UBE2G1: variants seen among roughly 807,000 people sequenced by gnomAD.
The protein encoded by UBE2G1 is ubiquitin-conjugating enzyme E2 G1.
In UBE2G1, 5 loss-of-function variants were observed where a neutral mutation model predicts 22.7. The observed-to-expected ratio is 0.22, with a 90% CI of 0.12 to 0.46. UBE2G1 has a LOEUF of 0.46. UBE2G1 is among the 20% of genes least tolerant of loss of function. The pLI is 0.99. For synonymous variants in UBE2G1, 74 were observed against 67.5 expected, an observed-to-expected ratio of 1.10 and a Z score of -0.47; for missense variants, 88 against 203.9, an observed-to-expected ratio of 0.43 and a Z score of 3.46.
chr17:4,308,009 A>G (rs1349399218), intron 1 of UBE2G1, among the ~76,000 whole-genome samples: 1 of 152,164 alleles, frequency 6.6e-6, no homozygotes, highest in Admixed American at 6.5e-5. Context: ...AGAAATTTTT[A>G]AACAACTTTA....
At chr17:4,319,734 A>AAG (rs1018156499) in intron 1 of UBE2G1, among the ~76,000 whole-genome samples, 1 of 152,074 alleles carries the variant, frequency 6.6e-6, no homozygotes, top group Non-Finnish European at 1.5e-5. Context: ...AAAAAAAAAA[A>AAG]AGAGAGAGAG....
intron 1 of UBE2G1, among the ~76,000 whole-genome samples, chr17:4,329,064 C>T (rs1969534634): frequency 6.9e-6 from 1 of 145,240 alleles, no homozygotes; most frequent in South Asian, 2.2e-4. Context: ...GAGATCGCGC[C>T]ATGCACTCCA....
At chr17:4,330,751 A>G (rs952895658) in intron 1 of UBE2G1, among the ~76,000 whole-genome samples, 4 of 151,466 alleles carry the variant, frequency 2.6e-5, no homozygotes, top group Non-Finnish European at 5.9e-5. Flanking sequence ...TAAATAAAAT[A>G]TATTTTATTT....
At chr17:4,359,857 A>T (rs11433745) in intron 1 of UBE2G1, among the ~76,000 whole-genome samples, 29 of 62,454 alleles carry the variant, frequency 4.6e-4, no homozygotes, top group African/African-American at 1.6e-3. Flanking sequence ...ATCTCAAAAA[A>T]AAAAAAAAAA....
In UBE2G1 at chr17:4,337,622, C is replaced by T. The variant is rs560148895; in HGVS notation, c.46+28649G>A. ...GAGCTGAAATCACGCCACTGCACTC[C>T]AGCCTGGGCAACAAGAGCGAAACTC... On this transcript the variant is annotated intron_variant, in intron 1 of 5. Coordinates refer to ENST00000396981, the MANE Select transcript of UBE2G1 (RefSeq NM_003342.5). Among the ~76,000 whole-genome samples the T allele has an allele frequency of 1.1e-4, 17 of 148,000 alleles. No homozygotes were observed. The South Asian group carries it at 3.6e-3, about 31-fold the overall frequency.
intron 2 of UBE2G1, among the ~76,000 whole-genome samples, chr17:4,297,073 G>A (rs535844921): frequency 7.6e-4 from 115 of 152,280 alleles, no homozygotes; most frequent in African/African-American, 2.6e-3. Flanking sequence ...GATCAGATCA[G>A]ATCATATTAC....
Position 4,319,723 on chromosome 17 carries a change from GA to G in UBE2G1, c.47-12601del, listed in dbSNP as rs536232143. 3.4e-3 allele frequency among the ~76,000 whole-genome samples: 473 copies of G among 137,720 alleles called. 3 individuals are homozygous for G. The highest frequency in any genetic ancestry group is 7.5e-3 in the Middle Eastern group (2 of 266). The allele number at this position is 137,720 out of a possible 152,430, so 90.3% of individuals were successfully genotyped here. A position where few individuals can be genotyped will look rare whatever the true frequency, so the allele number is the denominator to read the frequency against. On this transcript the variant is annotated intron_variant, in intron 1 of 5. Transcript: ENST00000396981. ...GCACTCCAGCCTAGGCACCTGTGTC[GA>G]AAAAAAAAAAAGAGAGAGAGAGAAG...
intron 1 of UBE2G1, among the ~76,000 whole-genome samples, chr17:4,324,319 T>C (rs1004861503): frequency 3.9e-5 from 6 of 152,206 alleles, no homozygotes; most frequent in African/African-American, 1.2e-4. Flanking sequence ...TTACTTAACA[T>C]GTGCTGCAAA....
Position 4,270,148 on chromosome 17 carries a change from A to C in UBE2G1, c.*2406T>G, listed in dbSNP as rs369151051. 6.6e-6 allele frequency: 1 copy of C among 152,406 alleles called. No individual in the cohort carries two copies. Among genetic ancestry groups the C allele is most frequent in the African/African-American group, 2.4e-5 (1 of 41,384 alleles). 9.4% of individuals were successfully genotyped at this position (152,406 alleles called of 1,614,324 possible). On this transcript the variant is annotated 3_prime_UTR_variant, in exon 6 of 6. Coordinates refer to ENST00000396981, the MANE Select transcript of UBE2G1 (RefSeq NM_003342.5). ...CCGTAGAGCTAGCCCTAAAAAAAAA[A>C]CCCACATGGTTTTATCAAACTAACT...
chr17:4,364,608 T>C (rs1190405384), intron 1 of UBE2G1, among the ~76,000 whole-genome samples: 2 of 121,838 alleles, frequency 1.6e-5, no homozygotes, highest in African/African-American at 3.2e-5. Flanking sequence ...TTGAACAGAG[T>C]CTCGCTCTGT....
At chr17:4,290,174 A>C (rs1300727958) in intron 3 of UBE2G1, among the ~76,000 whole-genome samples, 1 of 152,204 alleles carries the variant, frequency 6.6e-6, no homozygotes, top group African/African-American at 2.4e-5. Context: ...TTGTGAAACT[A>C]ATCTTTTATG....
chr17:4,275,128 C>T (rs1227271518), intron 5 of UBE2G1, among the ~76,000 whole-genome samples: 1 of 152,110 alleles, frequency 6.6e-6, no homozygotes, highest in Non-Finnish European at 1.5e-5. Context: ...TAAAATCAGG[C>T]GACCTAGCCT....
chr17:4,273,597 C>G (rs752020554), intron 5 of UBE2G1, among the ~76,000 whole-genome samples: 1 of 152,062 alleles, frequency 6.6e-6, no homozygotes, highest in Non-Finnish European at 1.5e-5. Context: ...GCCACCTCGG[C>G]CTCCCAAAGT....
intron 4 of UBE2G1, 49 bp from the exon 5 acceptor site, chr17:4,282,970 T>C: frequency 1.4e-6 from 2 of 1,389,138 alleles, no homozygotes; most frequent in Non-Finnish European, 2.0e-6. Context: ...AACTCCCCTT[T>C]ATAATCTCAA....
rs1236550105 is a variant in UBE2G1, at chr17:4,272,070, G to A, written c.*484C>T. The A allele has an allele frequency of 6.6e-6, 1 of 152,452 alleles. No homozygotes were observed. Among genetic ancestry groups the A allele is most frequent in the South Asian group, 2.1e-4 (1 of 4,828 alleles). The allele number at this position is 152,452 out of a possible 1,614,324, so 9.4% of individuals were successfully genotyped here. On this transcript the variant is annotated 3_prime_UTR_variant, in exon 6 of 6. Coordinates refer to ENST00000396981, the MANE Select transcript of UBE2G1 (RefSeq NM_003342.5). ...GTTTAATGAAGCCTCAAGGGTTTAA[G>A]GGAAATTAAATGGAAACTTTTAATC...
At chr17:4,353,037 T>G (rs1434445351) in intron 1 of UBE2G1, among the ~76,000 whole-genome samples, 1 of 151,852 alleles carries the variant, frequency 6.6e-6, no homozygotes, top group Non-Finnish European at 1.5e-5. Flanking sequence ...GCCAACACAG[T>G]GAAACCCCGT....
chr17:4,307,357 C>A (rs1320728620), intron 1 of UBE2G1, among the ~76,000 whole-genome samples: 3 of 152,122 alleles, frequency 2.0e-5, no homozygotes, highest in Non-Finnish European at 4.4e-5. Flanking sequence ...TCCAGCCAGG[C>A]TCTTGTCATT....
At chr17:4,302,156 A>T (rs1314142453) in intron 2 of UBE2G1, 2 of 517,580 alleles carry the variant, frequency 3.9e-6, no homozygotes, top group East Asian at 1.1e-4. Flanking sequence ...CTTTTATTGG[A>T]CTTGGGAAAG....
chr17:4,319,503 AG>A (rs1969412361), intron 1 of UBE2G1, among the ~76,000 whole-genome samples: 1 of 152,220 alleles, frequency 6.6e-6, no homozygotes, highest in Non-Finnish European at 1.5e-5. Flanking sequence ...TGGGAGGCCC[AG>A]GCAAGTAGAT....
Sources: allele counts gnomAD v4.1 joint callset (sites outside exome capture counted in the v4.1 genomes callset), GRCh38; gene constraint gnomAD v4.1.1; transcripts MANE v1.5; gene names NCBI Gene and HGNC (gene_info 2026-07-23, HGNC 2026-07-21).